The following BMP5 variants were observed in gnomAD, a reference collection of about 807,000 sequenced individuals.
BMP5 encodes bone morphogenetic protein 5.
BMP5 carries 23 observed loss-of-function variants against 46.6 expected under a neutral mutation model. The ratio of observed to expected loss-of-function variants is 0.49; its 90% confidence interval spans 0.35 to 0.70. The LOEUF is 0.70. Among genes scored for constraint, BMP5 ranks in the 30% least tolerant of loss-of-function variants. The pLI is 0.00. For missense variants in BMP5, 545 were observed against 565.6 expected (o/e 0.96, Z 0.37); for synonymous variants, 204 against 191.9 (o/e 1.06, Z -0.52).
At chr6:55,804,602 G>A (rs1201877036) in intron 2 of BMP5, among the ~76,000 whole-genome samples, 1 of 152,112 alleles carries the variant, frequency 6.6e-6, no homozygotes, top group African/African-American at 2.4e-5. Flanking sequence ...ATCAAATACT[G>A]AGGAGAATAA....
chr6:55,841,942 G>GAGAGAGAGAGAGAGAGAGAGAGAGA lies in BMP5; in HGVS notation c.491-22096_491-22095insTCTCTCTCTCTCTCTCTCTCTCTCT, dbSNP rs1399152751. On this transcript the variant is annotated intron_variant, in intron 1 of 6. Coordinates refer to ENST00000370830, the MANE Select transcript of BMP5 (RefSeq NM_021073.4). Reference sequence around the variant, plus strand: ...AGAGAGAGAGAGAGAGAGAGAGAGAGATTTTTCTATCCTTAAACATATTTA... The same window carrying GAGAGAGAGAGAGAGAGAGAGAGAGA: ...AGAGAGAGAGAGAGAGAGAGAGAGAGAGAGAGAGAGAGAGAGAGAGAGAGAATTTTTCTATCCTTAAACATATTTA... Among the ~76,000 whole-genome samples, 20 of 151,896 alleles carry GAGAGAGAGAGAGAGAGAGAGAGAGA rather than the reference G, an allele frequency of 1.3e-4. No homozygotes were observed. In the South Asian group the frequency reaches 4.2e-3, roughly 32 times the overall value.
intron 1 of BMP5, among the ~76,000 whole-genome samples, chr6:55,846,182 T>C (rs116799072): frequency 0.018 from 2,730 of 152,092 alleles, 91 homozygotes; most frequent in African/African-American, 0.061. Flanking sequence ...AGAATGTACA[T>C]GAAAATACCA....
At chr6:55,848,888 A>C (rs1777158048) in intron 1 of BMP5, among the ~76,000 whole-genome samples, 1 of 151,996 alleles carries the variant, frequency 6.6e-6, no homozygotes, top group South Asian at 2.1e-4. Context: ...TCCTTTCTAA[A>C]TCTTACCTAA....
chr6:55,828,727 T>C (rs1776587725), intron 1 of BMP5, among the ~76,000 whole-genome samples: 1 of 151,886 alleles, frequency 6.6e-6, no homozygotes, highest in Non-Finnish European at 1.5e-5. Context: ...AAGTATATTT[T>C]ATTTGCTCAA....
chr6:55,758,870 G>A (rs1774680839), intron 6 of BMP5, 135 bp downstream of exon 6: 1 of 715,250 alleles, frequency 1.4e-6, no homozygotes, highest in African/African-American at 1.8e-5. Flanking sequence ...TGTTACTTCA[G>A]CTCTAAAAAG....
In BMP5 at chr6:55,874,828, C is replaced by T. The variant is rs1777872098; in HGVS notation, c.38G>A (p.Gly13Asp). The T allele has an allele frequency of 1.2e-6, 2 of 1,613,036 alleles. No homozygotes were observed. The highest frequency in any genetic ancestry group is 1.3e-5 in the African/African-American group (1 of 74,728). ...TAGAACCCAGCAGCTCCAGAGGAAA[C>T]CCACAATACCCTTAAGTAAAAATAC... ...LTVFLLKGIV[G>D]FLWSCWVLVG... The change falls in exon 1 of 7, where the codon GGT becomes GAT. Residue 13 changes from glycine (G) to aspartate (D), a missense_variant. Gly to Asp is a moderately conservative substitution (Grantham distance 94). Transcript: ENST00000370830.
rs568662388 is a variant in BMP5 at position 55,846,840 on chromosome 6, AT to A, written c.491-26994del. Among the ~76,000 whole-genome samples the A allele has an allele frequency of 5.5e-4, 83 of 151,110 alleles. 1 individual carries two copies. In the South Asian group the frequency reaches 0.017, roughly 30 times the overall value. On this transcript the variant is annotated intron_variant, in intron 1 of 6. Coordinates refer to ENST00000370830, the MANE Select transcript of BMP5 (RefSeq NM_021073.4). ...ATATTCAAATATATAATATTTAATA[AT>A]TTTTTATTCTTTTTATTTTTATGTA... is the stretch of plus-strand genomic sequence containing the variant.
At chr6:55,805,127 T>A (rs1775955921) in intron 2 of BMP5, among the ~76,000 whole-genome samples, 4 of 152,202 alleles carry the variant, frequency 2.6e-5, no homozygotes, top group Admixed American at 2.6e-4. Context: ...AAGAGTACTA[T>A]ATTATAGACA....
intron 4 of BMP5, among the ~76,000 whole-genome samples, chr6:55,770,106 A>T (rs2127519535): frequency 6.6e-6 from 1 of 151,984 alleles, no homozygotes; most frequent in South Asian, 2.1e-4. Context: ...TTAGCCCATA[A>T]CAAGAGAGTC....
At chr6:55,777,327 A>C (rs1455904922) in intron 3 of BMP5, among the ~76,000 whole-genome samples, 1 of 151,978 alleles carries the variant, frequency 6.6e-6, no homozygotes, top group Non-Finnish European at 1.5e-5. Flanking sequence ...GATATTATTA[A>C]ACATACAGTA....
At chr6:55,792,977 G>A (rs982975725) in intron 3 of BMP5, among the ~76,000 whole-genome samples, 2 of 152,060 alleles carry the variant, frequency 1.3e-5, no homozygotes, top group South Asian at 2.1e-4. Flanking sequence ...TTTTAGGGTA[G>A]AGAATAACAG....
intron 4 of BMP5, among the ~76,000 whole-genome samples, chr6:55,765,600 A>C (rs1305925520): frequency 2.0e-5 from 3 of 152,174 alleles, no homozygotes; most frequent in Admixed American, 1.3e-4. Context: ...GGATAAGCCC[A>C]AAAATAAATA....
intron 1 of BMP5, among the ~76,000 whole-genome samples, chr6:55,853,049 G>C (rs926268300): frequency 1.3e-5 from 2 of 151,804 alleles, no homozygotes; most frequent in Non-Finnish European, 2.9e-5. Flanking sequence ...AGAATCACTT[G>C]AAACTGGGAA....
chr6:55,780,231 C>T (rs914295330), intron 3 of BMP5, among the ~76,000 whole-genome samples: 3 of 150,958 alleles, frequency 2.0e-5, no homozygotes, highest in South Asian at 2.1e-4. Context: ...AAAAAAAAGA[C>T]GGACTGGAAA....
chr6:55,828,160 T>G (rs1480181229), intron 1 of BMP5, among the ~76,000 whole-genome samples: 1 of 151,796 alleles, frequency 6.6e-6, no homozygotes, highest in Non-Finnish European at 1.5e-5. Context: ...TTGAAATCAG[T>G]GAGTTGATAG....
chr6:55,866,194 C>T (rs1246046286), intron 1 of BMP5, among the ~76,000 whole-genome samples: 1 of 152,064 alleles, frequency 6.6e-6, no homozygotes, highest in Non-Finnish European at 1.5e-5. Context: ...TGATGGAAAA[C>T]ACAAACTGTA....
At chr6:55,786,536 G>A (rs1364870956) in intron 3 of BMP5, among the ~76,000 whole-genome samples, 2 of 151,134 alleles carry the variant, frequency 1.3e-5, no homozygotes, top group African/African-American at 2.4e-5. Context: ...TTTAACTTGT[G>A]GACTGTAGAG....
intron 3 of BMP5, among the ~76,000 whole-genome samples, chr6:55,783,695 A>G (rs544400524): frequency 1.2e-4 from 18 of 152,144 alleles, no homozygotes; most frequent in Non-Finnish European, 2.9e-5. Context: ...TGATATTACC[A>G]TGAAAATATT....
At position 55,774,238 on chromosome 6, in the gene BMP5, T is replaced by C. The variant is rs774672647; in HGVS notation, c.838A>G (p.Ser280Gly). ...AGACCAGCAGATTTTACGTTGATACTGCGTCCTAGAACGTAATACAAAAGC... is the reference window on the plus strand; with the variant it reads ...AGACCAGCAGATTTTACGTTGATACCGCGTCCTAGAACGTAATACAAAAGC... The part of the protein sequence containing the change: ...QLCAETGDGR[S>G]INVKSAGLVG... The change falls in exon 4 of 7, where the codon AGT becomes GGT. Residue 280 changes from serine (S) to glycine (G), a missense_variant. Coordinates refer to ENST00000370830, the MANE Select transcript of BMP5 (RefSeq NM_021073.4). 2 of 1,612,668 alleles carry C rather than the reference T, an allele frequency of 1.2e-6. No homozygotes were observed.
Sources: gnomAD v4.1 joint callset for allele counts (sites outside exome capture counted in the v4.1 genomes callset) on GRCh38, gnomAD v4.1.1 for gene constraint, MANE v1.5 for transcripts, NCBI Gene and HGNC (gene_info 2026-07-23, HGNC 2026-07-21) for gene names.